The following GPATCH8 variants were observed in gnomAD, a reference collection of about 807,000 sequenced individuals.
GPATCH8 encodes G-patch domain containing 8, also known as G patch domain-containing protein 8.
Under a neutral mutation model 118.3 loss-of-function variants are expected in GPATCH8, and 18 were observed. The observed-to-expected ratio is 0.15, with a 90% CI of 0.11 to 0.23. The LOEUF (loss-of-function observed/expected upper bound fraction) is 0.23. GPATCH8 is among the 10% of genes least tolerant of loss of function. GPATCH8 has a pLI of 1.00. For synonymous variants in GPATCH8, 659 were observed against 684.7 expected (o/e 0.96, Z 0.59); for missense variants, 1,631 against 1,873.8 (o/e 0.87, Z 2.39).
At chr17:44,416,593 T>C (rs1199187394) in intron 6 of GPATCH8, among the ~76,000 whole-genome samples, 2 of 152,232 alleles carry the variant, frequency 1.3e-5, no homozygotes, top group Non-Finnish European at 2.9e-5. Flanking sequence ...GTTCAAGTGC[T>C]GAGATGCACT....
At chr17:44,451,933 A>G (rs1464004137) in intron 3 of GPATCH8, among the ~76,000 whole-genome samples, 1 of 152,126 alleles carries the variant, frequency 6.6e-6, no homozygotes, top group Non-Finnish European at 1.5e-5. Context: ...TATTGGTTAA[A>G]AGCATAGGTT....
At chr17:44,448,537 GGAAGAAGAAGAGGAAGAGGAA>G (rs1417259833) in intron 3 of GPATCH8, among the ~76,000 whole-genome samples, 2 of 110,126 alleles carry the variant, frequency 1.8e-5, no homozygotes, top group African/African-American at 7.8e-5. Flanking sequence ...AGAAGAAGAA[GGAAGAAGAAGAGGAAGAGGAA>G]GAAGAAGAGG....
At chr17:44,404,920 G>A (rs1458360785) in intron 7 of GPATCH8, among the ~76,000 whole-genome samples, 1 of 152,078 alleles carries the variant, frequency 6.6e-6, no homozygotes, top group Non-Finnish European at 1.5e-5. Context: ...AGCTGGGAAG[G>A]GCGGAAGGAG....
chr17:44,431,378 G>GAAAAAAA (rs776468380), intron 5 of GPATCH8, among the ~76,000 whole-genome samples: 5 of 47,806 alleles, frequency 1.0e-4, no homozygotes, highest in Non-Finnish European at 1.8e-4. Context: ...TCTCAAAAAG[G>GAAAAAAA]AAAAAAAAAA....
At chr17:44,443,859 G>A (rs573262930) in intron 3 of GPATCH8, among the ~76,000 whole-genome samples, 2 of 152,148 alleles carry the variant, frequency 1.3e-5, no homozygotes, top group African/African-American at 4.8e-5. Context: ...TTGTAGAGAC[G>A]GGATTTCACC....
At chr17:44,490,506 A>G (rs1969161374) in intron 1 of GPATCH8, among the ~76,000 whole-genome samples, 1 of 152,234 alleles carries the variant, frequency 6.6e-6, no homozygotes. Flanking sequence ...TAAAAAAATG[A>G]TGACTGCTTG....
At chr17:44,461,300 GCCTC>G (rs2051538163) in intron 3 of GPATCH8, among the ~76,000 whole-genome samples, 1 of 151,658 alleles carries the variant, frequency 6.6e-6, no homozygotes, top group Non-Finnish European at 1.5e-5. Flanking sequence ...TCCCACCTCA[GCCTC>G]CCTAGTAGCT....
rs142652848 is a variant in GPATCH8, at chr17:44,400,859, A to C, written c.1218T>G (p.Pro406=). 5.0e-6 allele frequency: 8 copies of C among 1,613,928 alleles called. No homozygotes were observed. In the African/African-American group the frequency reaches 1.1e-4, roughly 22 times the overall value. The part of the protein sequence containing the change: ...YIPPAHCKVK[P]NFPFLLFMRA... ...TCATAAAAAGTAGAAAGGGAAAATT[A>C]GGTTTTACTTTGCAGTGTGCTGGGG... Residue 406 remains proline (P), a synonymous_variant, in exon 8 of 8, where the codon CCT becomes CCG. Transcript: ENST00000591680.
chr17:44,403,685 ATCTC>A (rs1012825740), intron 7 of GPATCH8, among the ~76,000 whole-genome samples: 5 of 139,714 alleles, frequency 3.6e-5, no homozygotes, highest in African/African-American at 1.3e-4. Context: ...ACAATATGTA[ATCTC>A]TCTTTTTTTT....
At chr17:44,413,914 C>T (rs1193154223) in intron 6 of GPATCH8, among the ~76,000 whole-genome samples, 2 of 151,956 alleles carry the variant, frequency 1.3e-5, no homozygotes, top group Admixed American at 1.3e-4. Flanking sequence ...GCCACTGTGC[C>T]CGGCCAGGCC....
chr17:44,482,708 A>T (rs575851616), intron 1 of GPATCH8, among the ~76,000 whole-genome samples: 30 of 151,970 alleles, frequency 2.0e-4, no homozygotes, highest in Admixed American at 3.9e-4. Context: ...AAGTAAAATT[A>T]AAAAAAATAT....
At chr17:44,437,692 A>G (rs2050558155) in intron 3 of GPATCH8, among the ~76,000 whole-genome samples, 1 of 152,020 alleles carries the variant, frequency 6.6e-6, no homozygotes, top group Non-Finnish European at 1.5e-5. Flanking sequence ...TGCCATGATC[A>G]TGACTGGTTT....
chr17:44,417,083 G>A (rs1194010323), intron 6 of GPATCH8, among the ~76,000 whole-genome samples: 2 of 151,836 alleles, frequency 1.3e-5, no homozygotes, highest in Admixed American at 6.6e-5. Flanking sequence ...CCAGGCTTGA[G>A]TGCAGTGGCA....
chr17:44,471,672 A>C (rs1967288927), intron 2 of GPATCH8, among the ~76,000 whole-genome samples: 1 of 152,170 alleles, frequency 6.6e-6, no homozygotes, highest in Non-Finnish European at 1.5e-5. Context: ...TAGAAGTAAC[A>C]CCATTTTCCC....
intron 6 of GPATCH8, among the ~76,000 whole-genome samples, chr17:44,411,535 T>C (rs1361418993): frequency 6.6e-6 from 1 of 152,162 alleles, no homozygotes; most frequent in Non-Finnish European, 1.5e-5. Context: ...ATTTTTCTCA[T>C]GTAAAGGGGA....
At chr17:44,496,537 G>T (rs1003873969) in intron 1 of GPATCH8, among the ~76,000 whole-genome samples, 2 of 152,180 alleles carry the variant, frequency 1.3e-5, no homozygotes, top group Non-Finnish European at 2.9e-5. Context: ...GTATTACAAA[G>T]ACACTTTCTG....
chr17:44,491,736 C>A (rs1969263794), intron 1 of GPATCH8, among the ~76,000 whole-genome samples: 1 of 152,004 alleles, frequency 6.6e-6, no homozygotes, highest in East Asian at 1.9e-4. Context: ...CACCTGTAGT[C>A]CCAGCTACTC....
intron 3 of GPATCH8, among the ~76,000 whole-genome samples, chr17:44,452,429 GA>G (rs1437382763): frequency 1.3e-5 from 2 of 152,014 alleles, no homozygotes; most frequent in Non-Finnish European, 2.9e-5. Flanking sequence ...CTTAATAAAT[GA>G]TGGCTATTAT....
intron 1 of GPATCH8, among the ~76,000 whole-genome samples, chr17:44,489,062 AAAAAAC>A (rs1024552994): frequency 6.6e-6 from 1 of 152,062 alleles, no homozygotes; most frequent in Non-Finnish European, 1.5e-5. Flanking sequence ...CCCATCTCAA[AAAAAAC>A]AAAAACAAAA....
Sources: allele counts gnomAD v4.1 joint callset (sites outside exome capture counted in the v4.1 genomes callset), GRCh38; gene constraint gnomAD v4.1.1; transcripts MANE v1.5; gene names NCBI Gene and HGNC (gene_info 2026-07-23, HGNC 2026-07-21).